Variants in ELMOD3 observed in about 807,000 individuals in gnomAD.
The protein encoded by ELMOD3 is ELMO domain containing 3.
A neutral mutation model predicts 47.4 loss-of-function variants in ELMOD3; 36 were observed. The observed-to-expected ratio is 0.76, with a 90% CI of 0.58 to 1.00. The LOEUF (loss-of-function observed/expected upper bound fraction) is 1.00. Among genes scored for constraint, ELMOD3 ranks in the 50% least tolerant of loss-of-function variants. The probability of loss-of-function intolerance (pLI) is 0.00; values close to 1 mark genes in which losing one functional copy is unlikely to be tolerated. For missense variants in ELMOD3, 404 were observed against 463.8 expected (o/e 0.87, Z 1.18); for synonymous variants, 149 against 183.5 (o/e 0.81, Z 1.52).
At chr2:85,371,314 G>C in intron 9 of ELMOD3, 105 bp downstream of exon 9, 1 of 1,603,392 alleles carries the variant, frequency 6.2e-7, no homozygotes, top group Non-Finnish European at 8.5e-7. Context: ...ATGTACCATG[G>C]TTGGCGGGTG....
chr2:85,388,266 G>A (rs899172287), intron 11 of ELMOD3, among the ~76,000 whole-genome samples: 2 of 152,134 alleles, frequency 1.3e-5, no homozygotes, highest in Non-Finnish European at 2.9e-5. Flanking sequence ...TGGATTGTGA[G>A]CCCTGGGCCC....
At chr2:85,385,767 T>C (rs1685879541) in intron 11 of ELMOD3, among the ~76,000 whole-genome samples, 1 of 151,652 alleles carries the variant, frequency 6.6e-6, no homozygotes, top group Admixed American at 6.6e-5. Flanking sequence ...AGTAACACAG[T>C]CTAACTTACT....
At chr2:85,378,377 G>A (rs878957204) in intron 11 of ELMOD3, among the ~76,000 whole-genome samples, 2 of 152,202 alleles carry the variant, frequency 1.3e-5, no homozygotes, top group Admixed American at 6.5e-5. Context: ...ACAGCCTCAG[G>A]AGGTCCTGAT....
intron 3 of ELMOD3, 152 bp downstream of exon 3, chr2:85,355,750 G>C (rs1683502075): frequency 6.6e-6 from 1 of 152,366 alleles, no homozygotes; most frequent in African/African-American, 2.4e-5. Context: ...TGGAGGCCAT[G>C]ATGGAGGAAA....
chr2:85,369,751 G>C lies in ELMOD3; in HGVS notation c.281G>C (p.Ser94Thr). 1.9e-6 allele frequency: 3 copies of C among 1,614,004 alleles called. No individual in the cohort carries two copies. The highest frequency in any genetic ancestry group is 2.5e-6 in the Non-Finnish European group (3 of 1,179,914). Reference protein sequence around the residue: ...TIQPETGSQASSEQPGQLISF... With the variant: ...TIQPETGSQATSEQPGQLISF... The stretch of plus-strand genomic sequence containing the variant: ...CGTTTTGCCACAGGGAGCCAAGCTA[G>C]CTCAGAGCAGCCTGGGCAGCTAATC... The change falls in exon 8 of 14, where the codon AGC (serine) becomes ACC (threonine). Residue 94 changes from serine to threonine, a missense_variant. Coordinates refer to ENST00000409013, the MANE Select transcript of ELMOD3 (RefSeq NM_001135022.2).
At chr2:85,377,276 C>T in intron 10 of ELMOD3, 68 bp from the exon 11 acceptor site, 1 of 1,448,314 alleles carries the variant, frequency 6.9e-7, no homozygotes, top group Non-Finnish European at 9.2e-7. Flanking sequence ...GTCAGGGCAG[C>T]TTCCCATGGC....
chr2:85,358,323 G>A (rs1683708855), intron 4 of ELMOD3, among the ~76,000 whole-genome samples: 1 of 151,746 alleles, frequency 6.6e-6, no homozygotes, highest in Non-Finnish European at 1.5e-5. Flanking sequence ...ATAAGAGAAG[G>A]TCCTTATGCA....
At chr2:85,380,660 G>T (rs973131826) in intron 11 of ELMOD3, among the ~76,000 whole-genome samples, 1 of 152,182 alleles carries the variant, frequency 6.6e-6, no homozygotes, top group Non-Finnish European at 1.5e-5. Context: ...GAGTAGCTGG[G>T]ATTACAGGCA....
In ELMOD3 at chr2:85,371,107, C is replaced by T. The variant is rs562825417; in HGVS notation, c.382C>T (p.Arg128Ter). The change falls in exon 9 of 14, where the codon CGA (arginine) becomes TGA (stop). Residue 128 changes from arginine (R) to a stop codon, truncating the protein, a stop_gained. Transcript: ENST00000409013. LOFTEE classifies it high-confidence loss of function. ...CCAGAAAAGAATCCAGCCAACTATT[C>T]GAAGGACTGGGCTCGCCGCCCTCCG... Reference protein sequence around the residue: ...PFKKRIQPTIRRTGLAALRHY... With the variant: ...PFKKRIQPTI 6.8e-6 allele frequency: 11 copies of T among 1,614,052 alleles called. No individual in the cohort carries two copies. Among genetic ancestry groups the T allele is most frequent in the Admixed American group, 3.3e-5 (2 of 60,006 alleles).
rs1200235171 is a variant in ELMOD3 at position 85,357,244 on chromosome 2, G to A, written c.46G>A (p.Asp16Asn). 6 of 1,602,066 alleles carry A rather than the reference G, an allele frequency of 3.7e-6. No individual in the cohort carries two copies. Among genetic ancestry groups the A allele is most frequent in the Non-Finnish European group, 5.1e-6 (6 of 1,170,740 alleles). The change falls in exon 4 of 14, where the codon GAT becomes AAT. Residue 16 changes from aspartate to asparagine, a missense_variant. Transcript: ENST00000409013. The stretch of plus-strand genomic sequence containing the variant: ...TTTCCATAGTAAAGAAGAATTAAGA[G>A]ATGGACAGGTAAGCATGCACTCTTA... ...CSFHSKEELR[D>N]GQGERLSAGY... is the part of the protein sequence containing the mutation.
chr2:85,360,728 A>G (rs898049668), intron 4 of ELMOD3: 1 of 193,308 alleles, frequency 5.2e-6, no homozygotes. Context: ...TTTCCAGAAA[A>G]TTCAGTGAAT....
intron 3 of ELMOD3, chr2:85,356,241 C>G (rs982170825): frequency 6.6e-6 from 1 of 152,270 alleles, no homozygotes; most frequent in Admixed American, 6.5e-5. Context: ...GTTAGAACAT[C>G]GTGTTGCATT....
At chr2:85,362,969 C>A in intron 5 of ELMOD3, 128 bp from the exon 6 acceptor site, 2 of 570,230 alleles carry the variant, frequency 3.5e-6, no homozygotes, top group South Asian at 2.4e-5. Context: ...TTCAGTCAAC[C>A]CATCAGGGCA....
chr2:85,354,800 G>A lies in ELMOD3; in HGVS notation c.-401G>A. ...AGATGAGGCCTAGCCGAGGCGGCGG[G>A]ACCCCCAAGTTTGGAAAGCTCTTTT... On this transcript the variant is annotated 5_prime_UTR_variant, in exon 1 of 14. Transcript: ENST00000409013. The A allele has an allele frequency of 6.4e-6, 2 of 310,876 alleles. No homozygotes were observed. Among genetic ancestry groups the A allele is most frequent in the Non-Finnish European group, 1.2e-5 (2 of 166,910 alleles). 19.3% of individuals were successfully genotyped at this position (310,876 alleles called of 1,614,324 possible).
intron 8 of ELMOD3, among the ~76,000 whole-genome samples, 193 bp downstream of exon 8, chr2:85,370,023 T>C (rs576119003): frequency 4.6e-5 from 7 of 152,230 alleles, no homozygotes; most frequent in African/African-American, 1.7e-4. Flanking sequence ...CCCTTACAGC[T>C]CCTGTAGCCC....
chr2:85,389,878 G>A (rs373575119), intron 12 of ELMOD3, 51 bp downstream of exon 12: 74 of 1,535,622 alleles, frequency 4.8e-5, no homozygotes, highest in Middle Eastern at 3.4e-4. Flanking sequence ...AGCCTTGTTC[G>A]TCCCCACTCT....
chr2:85,383,033 C>T (rs574010780), intron 11 of ELMOD3, among the ~76,000 whole-genome samples: 1 of 131,448 alleles, frequency 7.6e-6, no homozygotes, highest in Non-Finnish European at 1.6e-5. Flanking sequence ...GTCATGGAAA[C>T]AGGAAATCTT....
chr2:85,378,182 G>A (rs567530642), intron 11 of ELMOD3, among the ~76,000 whole-genome samples: 2 of 152,318 alleles, frequency 1.3e-5, no homozygotes, highest in African/African-American at 2.4e-5. Context: ...ATTTAAGAAC[G>A]TTAGCAGAGG....
intron 4 of ELMOD3, 63 bp from the exon 5 acceptor site, chr2:85,362,123 T>A (rs1377038911): frequency 1.9e-6 from 2 of 1,052,884 alleles, no homozygotes; most frequent in Non-Finnish European, 3.0e-6. Context: ...AGTATGACAT[T>A]TAAACTATTA....
Sources: allele counts gnomAD v4.1 joint callset (sites outside exome capture counted in the v4.1 genomes callset), GRCh38; gene constraint gnomAD v4.1.1; transcripts MANE v1.5; gene names NCBI Gene and HGNC (gene_info 2026-07-23, HGNC 2026-07-21).